The following DPP6 variants were observed in gnomAD, a reference collection of about 807,000 sequenced individuals.
DPP6 encodes the protein dipeptidyl peptidase like 6.
DPP6 carries 69 observed loss-of-function variants against 122.6 expected under a neutral mutation model. The ratio of observed to expected loss-of-function variants is 0.56; its 90% CI spans 0.46 to 0.69. DPP6 has a LOEUF of 0.69. DPP6 is among the 30% of genes least tolerant of loss of function. DPP6 has a pLI of 0.00. For missense variants in DPP6, 928 were observed against 1,116.9 expected (o/e 0.83, Z 2.41); for synonymous variants, 418 against 433.1 (o/e 0.97, Z 0.43).
intron 1 of DPP6, among the ~76,000 whole-genome samples, chr7:154,309,148 A>G (rs1806632154): frequency 1.3e-5 from 2 of 152,218 alleles, no homozygotes; most frequent in Admixed American, 6.5e-5. Context: ...CTCCTTTCAC[A>G]TGGAAATAGC....
At chr7:154,562,379 A>G (rs1269110986) in intron 4 of DPP6, among the ~76,000 whole-genome samples, 2 of 152,214 alleles carry the variant, frequency 1.3e-5, no homozygotes, top group Non-Finnish European at 2.9e-5. Flanking sequence ...CAGAAAAAGC[A>G]TTTGAGAAAA....
chr7:154,057,609 A>C (rs1352420048), intron 1 of DPP6: 1 of 150,938 alleles, frequency 6.6e-6, no homozygotes, highest in African/African-American at 2.5e-5. Flanking sequence ...GAGAATTCTT[A>C]GGAGCTGTGG....
intron 2 of DPP6, among the ~76,000 whole-genome samples, chr7:154,459,805 CAAAAAAAAAA>C (rs775605275): frequency 1.6e-5 from 1 of 63,080 alleles, no homozygotes; most frequent in Non-Finnish European, 3.2e-5. Flanking sequence ...GATTCCATCT[CAAAAAAAAAA>C]AAAAAAAAAG....
intron 1 of DPP6, among the ~76,000 whole-genome samples, chr7:154,423,393 C>T (rs1475963282): frequency 6.6e-6 from 1 of 152,064 alleles, no homozygotes; most frequent in East Asian, 1.9e-4. Flanking sequence ...GAGGCTCTGT[C>T]CTCAGGTGTC....
chr7:154,469,306 T>C (rs143584331), intron 2 of DPP6, among the ~76,000 whole-genome samples: 4 of 152,288 alleles, frequency 2.6e-5, no homozygotes, highest in African/African-American at 9.6e-5. Flanking sequence ...ATCCCAACAA[T>C]AGTTATTTTG....
intron 2 of DPP6, among the ~76,000 whole-genome samples, chr7:154,458,658 A>T (rs1281454695): frequency 6.6e-6 from 1 of 152,220 alleles, no homozygotes; most frequent in Non-Finnish European, 1.5e-5. Context: ...GGAGGCTAAA[A>T]TAAAGGGAGA....
intron 5 of DPP6, among the ~76,000 whole-genome samples, chr7:154,575,199 GGTGTCTGTGGT>G (rs1586662094): frequency 8.9e-6 from 1 of 112,558 alleles, no homozygotes; most frequent in East Asian, 3.2e-4. Context: ...TGGTGTGTGT[GGTGTCTGTGGT>G]GTGTGTGTGG....
chr7:154,595,779 G>A (rs1287385205), intron 5 of DPP6, among the ~76,000 whole-genome samples: 1 of 152,244 alleles, frequency 6.6e-6, no homozygotes, highest in Non-Finnish European at 1.5e-5. Flanking sequence ...TGAGTAGCAT[G>A]GCTGGGTGCA....
intron 1 of DPP6, among the ~76,000 whole-genome samples, chr7:154,363,633 G>A (rs1811919015): frequency 6.6e-6 from 1 of 152,108 alleles, no homozygotes; most frequent in Admixed American, 6.6e-5. Flanking sequence ...CATGCTCCGT[G>A]GGTTGACAGC....
At chr7:153,816,429 C>T in the DPP6 span, among the ~76,000 whole-genome samples, 3 of 152,032 alleles carry the variant, frequency 2.0e-5, no homozygotes, top group African/African-American at 7.2e-5. Flanking sequence ...TGTTGCTCTC[C>T]TATTTGTAAC....
chr7:154,106,629 A>C (rs982266329), intron 1 of DPP6, among the ~76,000 whole-genome samples: 2 of 151,148 alleles, frequency 1.3e-5, no homozygotes, highest in Non-Finnish European at 2.9e-5. Flanking sequence ...GTGGGGGTGC[A>C]CGTGGGTGAA....
chr7:153,787,537 G>T, the DPP6 span, among the ~76,000 whole-genome samples: 2 of 126,006 alleles, frequency 1.6e-5, no homozygotes, highest in Admixed American at 1.6e-4. Context: ...GGCCAAGCAG[G>T]GAGGATTTCT....
intron 1 of DPP6, among the ~76,000 whole-genome samples, chr7:153,965,046 G>T (rs1795621998): frequency 8.2e-6 from 1 of 122,618 alleles, no homozygotes. Context: ...CTTTCTCTCA[G>T]AATTCAGACT....
At chr7:154,236,053 A>C (rs1436148871) in intron 1 of DPP6, among the ~76,000 whole-genome samples, 1 of 152,074 alleles carries the variant, frequency 6.6e-6, no homozygotes, top group Non-Finnish European at 1.5e-5. Flanking sequence ...GGGTTTCACC[A>C]TGTTGGCCAG....
At chr7:154,090,137 G>T (rs1414920564) in intron 1 of DPP6, among the ~76,000 whole-genome samples, 1 of 152,104 alleles carries the variant, frequency 6.6e-6, no homozygotes, top group Non-Finnish European at 1.5e-5. Flanking sequence ...AAAAGCGGGT[G>T]CTGTGTGGAT....
chr7:154,281,840 G>A (rs77365873), intron 1 of DPP6, among the ~76,000 whole-genome samples: 3,789 of 152,220 alleles, frequency 0.025, 167 homozygotes, highest in African/African-American at 0.086. Context: ...TTTCTCTGAT[G>A]CAGTAGACTG....
intron 5 of DPP6, among the ~76,000 whole-genome samples, chr7:154,573,757 A>G (rs1235932240): frequency 2.0e-5 from 3 of 152,384 alleles, no homozygotes; most frequent in South Asian, 2.1e-4. Flanking sequence ...CAATGCGTGC[A>G]GTTTCATAAT....
intron 18 of DPP6, among the ~76,000 whole-genome samples, chr7:154,869,762 C>T (rs1242334702): frequency 2.0e-5 from 3 of 152,222 alleles, no homozygotes; most frequent in Non-Finnish European, 4.4e-5. Context: ...TCTATCACAA[C>T]TTTTCTGGAC....
At chr7:154,130,397 T>G (rs1795209460) in intron 1 of DPP6, among the ~76,000 whole-genome samples, 1 of 152,152 alleles carries the variant, frequency 6.6e-6, no homozygotes, top group African/African-American at 2.4e-5. Context: ...TGTAGGCCGG[T>G]TTCCTCATCT....
Sources: allele counts gnomAD v4.1 joint callset (sites outside exome capture counted in the v4.1 genomes callset), GRCh38; gene constraint gnomAD v4.1.1; transcripts MANE v1.5; gene names NCBI Gene and HGNC (gene_info 2026-07-23, HGNC 2026-07-21).